The following ARHGEF3 variants were observed in gnomAD, a reference collection of about 807,000 sequenced individuals.
The protein encoded by ARHGEF3 is Rho guanine nucleotide exchange factor 3.
A neutral mutation model predicts 63.2 loss-of-function variants in ARHGEF3; 28 were observed. The observed-to-expected ratio is 0.44, with a 90% CI of 0.33 to 0.61. The LOEUF (loss-of-function observed/expected upper bound fraction) is 0.61. ARHGEF3 is among the 20% of genes least tolerant of loss of function. The probability of loss-of-function intolerance (pLI) is 0.03; values close to 1 mark genes in which losing one functional copy is unlikely to be tolerated. For synonymous variants in ARHGEF3, 266 were observed against 254.2 expected (o/e 1.05, Z -0.44); for missense variants, 533 against 659.3 (o/e 0.81, Z 2.10).
intron 2 of ARHGEF3, among the ~76,000 whole-genome samples, chr3:57,008,391 C>T (rs1702550920): frequency 6.6e-6 from 1 of 151,988 alleles, no homozygotes; most frequent in East Asian, 1.9e-4. Flanking sequence ...CGTAACAGCC[C>T]GCTTGCCAAA....
intron 3 of ARHGEF3, among the ~76,000 whole-genome samples, chr3:56,894,707 A>C (rs1473637454): frequency 6.6e-6 from 1 of 152,182 alleles, no homozygotes; most frequent in Non-Finnish European, 1.5e-5. Flanking sequence ...ATTTGTTCAC[A>C]TATAGCAGTA....
intron 2 of ARHGEF3, among the ~76,000 whole-genome samples, chr3:57,028,716 A>T (rs540056716): frequency 0.016 from 2,042 of 125,336 alleles, 48 homozygotes; most frequent in African/African-American, 0.07. Context: ...ATAAATAAAT[A>T]AAAAAAAAAG....
chr3:56,875,472 T>C (rs2040555780), intron 4 of ARHGEF3, among the ~76,000 whole-genome samples: 1 of 152,214 alleles, frequency 6.6e-6, no homozygotes, highest in Admixed American at 6.5e-5. Context: ...ACTATGTATT[T>C]GCTTTGAGGG....
intron 2 of ARHGEF3, among the ~76,000 whole-genome samples, chr3:56,762,866 T>A (rs542804736): frequency 6.6e-6 from 1 of 151,912 alleles, no homozygotes; most frequent in African/African-American, 2.4e-5. Context: ...CCTGGAGGAG[T>A]CTCCTATGAG....
rs147796798 is a variant in ARHGEF3, at chr3:57,017,904, C to G, written c.62+17184G>C. Among the ~76,000 whole-genome samples the G allele has an allele frequency of 7.2e-5, 11 of 152,238 alleles. No homozygotes were observed. The East Asian group carries it at 1.9e-3, about 27-fold the overall frequency. The stretch of plus-strand genomic sequence containing the variant: ...GTGCTAACATGAATAGGAAGAGAAA[C>G]GAGCTTGGAAAAAAACTTTCAGTGA... On this transcript the variant is annotated intron_variant, in intron 2 of 12. Transcript: ENST00000338458.
chr3:56,826,766 T>G (rs2038727928), intron 4 of ARHGEF3, among the ~76,000 whole-genome samples: 1 of 152,182 alleles, frequency 6.6e-6, no homozygotes, highest in Non-Finnish European at 1.5e-5. Flanking sequence ...ACTAAAGGTC[T>G]TCTAACTAGA....
chr3:57,071,564 G>A (rs1484654565), intron 1 of ARHGEF3, among the ~76,000 whole-genome samples: 1 of 151,748 alleles, frequency 6.6e-6, no homozygotes, highest in Non-Finnish European at 1.5e-5. Context: ...AGAGGCTGAG[G>A]CAGGAGAATC....
At chr3:56,864,033 C>G (rs2040164494) in intron 4 of ARHGEF3, among the ~76,000 whole-genome samples, 1 of 152,182 alleles carries the variant, frequency 6.6e-6, no homozygotes, top group African/African-American at 2.4e-5. Flanking sequence ...GTCTGCCCTA[C>G]AGACAGCTAA....
At chr3:56,765,644 A>G (rs1210121151) in intron 2 of ARHGEF3, among the ~76,000 whole-genome samples, 2 of 152,108 alleles carry the variant, frequency 1.3e-5, no homozygotes, top group Non-Finnish European at 2.9e-5. Context: ...CTGAAGCCTG[A>G]AACGCTTCCT....
At chr3:56,941,628 G>A (rs772801620) in intron 3 of ARHGEF3, among the ~76,000 whole-genome samples, 3 of 151,994 alleles carry the variant, frequency 2.0e-5, no homozygotes, top group Non-Finnish European at 4.4e-5. Flanking sequence ...ATTATTCTAC[G>A]TGTATTATTT....
At chr3:56,921,240 G>A (rs930663271) in intron 3 of ARHGEF3, among the ~76,000 whole-genome samples, 24 of 151,256 alleles carry the variant, frequency 1.6e-4, no homozygotes, top group African/African-American at 5.6e-4. Context: ...AAAAAGGTTG[G>A]AAAAAATCTC....
chr3:56,890,328 T>C (rs2041079026), intron 3 of ARHGEF3, among the ~76,000 whole-genome samples: 1 of 152,238 alleles, frequency 6.6e-6, no homozygotes, highest in Non-Finnish European at 1.5e-5. Context: ...TCAGTGTCTA[T>C]AAAGCAGTTC....
chr3:57,013,593 C>T (rs765692721), intron 2 of ARHGEF3, among the ~76,000 whole-genome samples: 8 of 151,614 alleles, frequency 5.3e-5, no homozygotes, highest in Non-Finnish European at 1.2e-4. Context: ...ACTTGGAGAA[C>T]TTTTGTGTCT....
chr3:56,772,894 A>T (rs547884464), intron 2 of ARHGEF3, among the ~76,000 whole-genome samples: 4 of 152,318 alleles, frequency 2.6e-5, no homozygotes, highest in Non-Finnish European at 4.4e-5. Context: ...AGGATGAAGT[A>T]TGGAAAAAAC....
intron 1 of ARHGEF3, among the ~76,000 whole-genome samples, chr3:56,796,094 C>T (rs1460013786): frequency 6.6e-6 from 1 of 152,164 alleles, no homozygotes; most frequent in Non-Finnish European, 1.5e-5. Flanking sequence ...TGTGTGACCT[C>T]TACCCATTAT....
intron 4 of ARHGEF3, among the ~76,000 whole-genome samples, chr3:56,870,925 ATC>A (rs2040414148): frequency 6.6e-6 from 1 of 152,202 alleles, no homozygotes; most frequent in Non-Finnish European, 1.5e-5. Flanking sequence ...AATAAATAAA[ATC>A]TATTTAAAAG....
At chr3:56,804,069 A>G (rs1578560387), upstream of ARHGEF3, among the ~76,000 whole-genome samples, 1 of 151,816 alleles carries the variant, frequency 6.6e-6, no homozygotes, top group South Asian at 2.1e-4. Context: ...ATTTTTGTAG[A>G]GACAGGGTTT....
rs2032963028 is a variant in ARHGEF3 at position 56,729,546 on chromosome 3, G to A, written c.1305C>T (p.Phe435=). The A allele has an allele frequency of 6.2e-7, 1 of 1,614,186 alleles. No individual in the cohort carries two copies. The highest frequency in any genetic ancestry group is 8.5e-7 in the Non-Finnish European group (1 of 1,180,030). The stretch of plus-strand genomic sequence containing the variant: ...TACAGTTAAGCCACTGCTGTTTGTT[G>A]AAAGTGTCATTGGCTTGTAGCGAGT... ...QTHSLQANDT[F]NKQQWLNCIR... Residue 435 remains phenylalanine, a synonymous_variant, in exon 10 of 10, where the codon TTC becomes TTT. Coordinates refer to ENST00000296315, the MANE Select transcript of ARHGEF3 (RefSeq NM_019555.3).
intron 4 of ARHGEF3, among the ~76,000 whole-genome samples, chr3:56,833,436 A>G (rs1384443668): frequency 6.6e-6 from 1 of 152,212 alleles, no homozygotes; most frequent in Non-Finnish European, 1.5e-5. Flanking sequence ...TATTCCAGGC[A>G]TCTACAAATA....
Sources: allele counts gnomAD v4.1 joint callset (sites outside exome capture counted in the v4.1 genomes callset), GRCh38; gene constraint gnomAD v4.1.1; transcripts MANE v1.5; gene names NCBI Gene and HGNC (gene_info 2026-07-23, HGNC 2026-07-21).